The following PTPRD variants were observed in gnomAD, a reference collection of about 807,000 sequenced individuals.
PTPRD encodes receptor-type tyrosine-protein phosphatase delta.
A neutral mutation model predicts 214.5 loss-of-function variants in PTPRD; 34 were observed. That is an observed-to-expected ratio of 0.16 (90% confidence interval 0.12 to 0.21). PTPRD has a LOEUF of 0.21. Ranked by LOEUF, PTPRD falls within the 10% of genes least tolerant of loss-of-function variation. The pLI is 1.00. For synonymous variants in PTPRD, 1,128 were observed against 845.7 expected (o/e 1.33, Z -5.79); for missense variants, 2,545 against 2,398.7 (o/e 1.06, Z -1.27).
intron 11 of PTPRD, among the ~76,000 whole-genome samples, chr9:8,794,947 G>T (rs1022300836): frequency 2.0e-5 from 3 of 151,032 alleles, no homozygotes; most frequent in Non-Finnish European, 4.4e-5. Context: ...CAATTTTTTT[G>T]TACTGCTGAT....
intron 2 of PTPRD, among the ~76,000 whole-genome samples, chr9:10,560,089 C>T (rs1389417961): frequency 1.3e-5 from 2 of 152,096 alleles, no homozygotes; most frequent in East Asian, 3.9e-4. Context: ...AATCATGTTG[C>T]TATAAAAACA....
At position 10,509,388 on chromosome 9, in the gene PTPRD, C is replaced by T. The variant is rs201166906; in HGVS notation, c.-600+103010G>A. Among the ~76,000 whole-genome samples, 60 of 150,980 alleles carry T rather than the reference C, an allele frequency of 4.0e-4. 1 individual carries two copies. Among genetic ancestry groups the T allele is most frequent in the Non-Finnish European group, 8.0e-4 (54 of 67,778 alleles). On this transcript the variant is annotated intron_variant, in intron 2 of 45. Transcript: ENST00000381196. ...TTCTTTGGAATCTAATCTTATGTTA[C>T]GGTTATTTTACTCCTCTTGTTGTTT...
intron 26 of PTPRD, 72 bp downstream of exon 26, chr9:8,497,170 A>G (rs988998611): frequency 3.8e-6 from 5 of 1,320,134 alleles, no homozygotes; most frequent in Non-Finnish European, 1.0e-6. Context: ...CAGATCACAA[A>G]TAAGTGAAAG....
intron 10 of PTPRD, among the ~76,000 whole-genome samples, chr9:9,120,013 G>A (rs755020269): frequency 7.2e-5 from 11 of 152,046 alleles, no homozygotes; most frequent in Non-Finnish European, 7.4e-5. Flanking sequence ...GGACATAATG[G>A]TTGAATGCAT....
chr9:9,760,885 G>A (rs2098649143), intron 6 of PTPRD, among the ~76,000 whole-genome samples: 1 of 152,008 alleles, frequency 6.6e-6, no homozygotes, highest in African/African-American at 2.4e-5. Flanking sequence ...GCTAAAATAA[G>A]AACGATCAAC....
At chr9:8,535,580 T>C (rs548494131) in intron 14 of PTPRD, among the ~76,000 whole-genome samples, 4 of 152,058 alleles carry the variant, frequency 2.6e-5, no homozygotes, top group South Asian at 2.1e-4. Context: ...CCCTATATCA[T>C]GGCAGGCATT....
In PTPRD at chr9:10,000,789, C is replaced by G. The variant is rs2096288421; in HGVS notation, c.-472+32929G>C. Among the ~76,000 whole-genome samples, 4 of 152,186 alleles carry G rather than the reference C, an allele frequency of 2.6e-5. No individual in the cohort carries two copies. The South Asian group carries it at 6.2e-4, about 24-fold the overall frequency. On this transcript the variant is annotated intron_variant, in intron 4 of 45. Transcript: ENST00000381196. ...ACATGGCCAGCTTGGTGATTCTCAC[C>G]CTTTTCTTGTCAGCACGTGTGCCAG...
At chr9:8,765,262 T>C (rs62528805) in intron 11 of PTPRD, among the ~76,000 whole-genome samples, 16,469 of 152,248 alleles carry the variant, frequency 0.11, 994 homozygotes, top group Non-Finnish European at 0.13. Flanking sequence ...ACTTAGTGAC[T>C]GCTTCCAGCA....
chr9:10,062,477 C>T (rs2097792310), intron 3 of PTPRD, among the ~76,000 whole-genome samples: 1 of 151,942 alleles, frequency 6.6e-6, no homozygotes, highest in African/African-American at 2.4e-5. Context: ...GTGGTGGCAG[C>T]AGCCTGTAAT....
chr9:9,759,678 C>G (rs1350858387), intron 6 of PTPRD, among the ~76,000 whole-genome samples: 9 of 151,592 alleles, frequency 5.9e-5, no homozygotes, highest in African/African-American at 1.2e-4. Flanking sequence ...TTGCCTCAGC[C>G]TCCCAAGTAG....
intron 7 of PTPRD, among the ~76,000 whole-genome samples, chr9:9,630,904 A>G (rs1176469673): frequency 6.6e-6 from 1 of 152,162 alleles, no homozygotes; most frequent in Non-Finnish European, 1.5e-5. Context: ...ATTAAAACAT[A>G]AGGAATTAAA....
intron 10 of PTPRD, among the ~76,000 whole-genome samples, chr9:9,084,838 T>C (rs2099764681): frequency 1.3e-5 from 2 of 152,282 alleles, no homozygotes; most frequent in African/African-American, 4.8e-5. Flanking sequence ...AACAGATCTC[T>C]ACATTTATCA....
In PTPRD at chr9:8,353,890, A is replaced by G. The variant is rs148042314; in HGVS notation, c.4662-11912T>C. On this transcript the variant is annotated intron_variant, in intron 39 of 45. Transcript: ENST00000381196. ...TGTATATATGTATATATGTGTATATATGTATATATGTATATATGTGTATAT... is the reference window on the plus strand; with the variant it reads ...TGTATATATGTATATATGTGTATATGTGTATATATGTATATATGTGTATAT... Among the ~76,000 whole-genome samples, 197 of 108,068 alleles carry G rather than the reference A, an allele frequency of 1.8e-3. 2 individuals are homozygous for G. Among genetic ancestry groups the G allele is most frequent in the African/African-American group, 7.5e-3 (155 of 20,662 alleles). 70.9% of individuals were successfully genotyped at this position (108,068 alleles called of 152,430 possible).
chr9:9,582,625 T>G (rs2154315845), intron 7 of PTPRD, among the ~76,000 whole-genome samples: 1 of 152,252 alleles, frequency 6.6e-6, no homozygotes, highest in Admixed American at 6.6e-5. Context: ...TTTGCGATGA[T>G]GAAATTATAT....
intron 4 of PTPRD, among the ~76,000 whole-genome samples, chr9:9,956,712 T>C (rs2093958066): frequency 6.6e-6 from 1 of 152,090 alleles, no homozygotes; most frequent in Admixed American, 6.5e-5. Context: ...GAATGGCCCA[T>C]AGGAGCTAGT....
At chr9:9,954,477 G>T (rs1048462949) in intron 4 of PTPRD, among the ~76,000 whole-genome samples, 4 of 151,454 alleles carry the variant, frequency 2.6e-5, no homozygotes, top group African/African-American at 7.3e-5. Context: ...TCTTGTAAGA[G>T]AACTATTAAT....
chr9:8,691,415 A>G lies in PTPRD; in HGVS notation c.64+42365T>C, dbSNP rs373873187. 6.0e-4 allele frequency among the ~76,000 whole-genome samples: 91 copies of G among 151,488 alleles called. 1 individual carries two copies. Among genetic ancestry groups the G allele is most frequent in the African/African-American group, 2.1e-3 (88 of 41,272 alleles). ...TCTAGAGAAAAAAAAAAAAAAATAG[A>G]AGAGTGCTATTATCAAATAGTAATG... is the stretch of plus-strand genomic sequence containing the variant. On this transcript the variant is annotated intron_variant, in intron 12 of 45. Transcript: ENST00000381196.
intron 9 of PTPRD, among the ~76,000 whole-genome samples, chr9:9,192,087 G>C (rs1388197990): frequency 6.6e-6 from 1 of 151,892 alleles, no homozygotes; most frequent in Non-Finnish European, 1.5e-5. Flanking sequence ...GGGACTTTCA[G>C]GCTATTTTGA....
At chr9:9,717,413 T>C (rs2097854529) in intron 7 of PTPRD, among the ~76,000 whole-genome samples, 1 of 152,220 alleles carries the variant, frequency 6.6e-6, no homozygotes, top group Non-Finnish European at 1.5e-5. Flanking sequence ...TTGATGGGGA[T>C]GGTATTGAAT....
Sources: gnomAD v4.1 joint callset for allele counts (sites outside exome capture counted in the v4.1 genomes callset) on GRCh38, gnomAD v4.1.1 for gene constraint, MANE v1.5 for transcripts, NCBI Gene and HGNC (gene_info 2026-07-23, HGNC 2026-07-21) for gene names.